The following TMEM128 variants were observed in gnomAD, a reference collection of about 807,000 sequenced individuals.
The protein encoded by TMEM128 is transmembrane protein 128.
Under a neutral mutation model 19.7 loss-of-function variants are expected in TMEM128, and 16 were observed. That is an observed-to-expected ratio of 0.81 (90% confidence interval 0.55 to 1.23). The LOEUF (loss-of-function observed/expected upper bound fraction) is 1.23, where lower values mean the gene tolerates loss of function less well. Ranked by LOEUF, TMEM128 falls within the 50% of genes most tolerant of loss-of-function variation. The probability of loss-of-function intolerance (pLI) is 0.00; values close to 1 mark genes in which losing one functional copy is unlikely to be tolerated. For missense variants in TMEM128, 237 were observed against 200.8 expected, an observed-to-expected ratio of 1.18 and a Z score of -1.09; for synonymous variants, 98 against 75.8, an observed-to-expected ratio of 1.29 and a Z score of -1.52.
chr4:4,246,308 G>T lies in TMEM128; in HGVS notation c.133C>A (p.Leu45Ile), dbSNP rs1006656011. The T allele has an allele frequency of 3.7e-6, 6 of 1,612,390 alleles. No individual in the cohort carries two copies. The highest frequency in any genetic ancestry group is 5.1e-6 in the Non-Finnish European group (6 of 1,179,488). ...CCAGAATGGATATTAAGTCTTGGAA[G>T]AGGTTTCTCCTTTTTCTCAACAGCT... ...STAVEKKEKPLPRLNIHSGFW... is the reference protein window; with the variant it reads ...STAVEKKEKPIPRLNIHSGFW... Residue 45 changes from leucine to isoleucine, a missense_variant, in exon 2 of 5, where the codon CTT becomes ATT. By Grantham distance (5) the Leu-to-Ile change is conservative. Coordinates refer to ENST00000382753, the MANE Select transcript of TMEM128 (RefSeq NM_001297551.2).
chr4:4,246,111 A>C (rs985071405), intron 2 of TMEM128, 91 bp downstream of exon 2: 3 of 1,331,648 alleles, frequency 2.3e-6, no homozygotes, highest in Non-Finnish European at 2.1e-6. Context: ...AGAGAGTAGT[A>C]GGTGCTTACT....
At position 4,247,186 on chromosome 4, in the gene TMEM128, C is replaced by A. The variant is rs147197880; in HGVS notation, c.98-843G>T. ...GACAAGACATTTTTCCTGTCTGGAA[C>A]GCAATCTGAAAGAATGGGTGGATGG... On this transcript the variant is annotated intron_variant, in intron 1 of 4. Coordinates refer to ENST00000382753, the MANE Select transcript of TMEM128 (RefSeq NM_001297551.2). Among the ~76,000 whole-genome samples the A allele has an allele frequency of 2.9e-4, 44 of 152,262 alleles. 1 individual carries two copies. In the East Asian group the frequency reaches 6.4e-3, roughly 22 times the overall value.
intron 1 of TMEM128, chr4:4,247,787 T>C: frequency 1.4e-6 from 2 of 1,470,904 alleles, no homozygotes; most frequent in Non-Finnish European, 1.8e-6. Flanking sequence ...AATCCTGAAG[T>C]GAAACACTGC....
At chr4:4,244,699 G>C (rs1445995045) in intron 2 of TMEM128, among the ~76,000 whole-genome samples, 1 of 152,136 alleles carries the variant, frequency 6.6e-6, no homozygotes, top group Non-Finnish European at 1.5e-5. Flanking sequence ...TGAAAACCTA[G>C]AGACCTTTTC....
chr4:4,248,215 C>A lies in TMEM128; in HGVS notation c.-13G>T, dbSNP rs1292708440. On this transcript the variant is annotated 5_prime_UTR_variant, in exon 1 of 5. Transcript: ENST00000382753. ...GCGAGGAGTCCATCTTGGTACCGCC[C>A]CGAAATGCGACGGAAGTGACGTCAG... 6.7e-7 allele frequency: 1 copy of A among 1,491,476 alleles called. No homozygotes were observed. The allele number at this position is 1,491,476 out of a possible 1,614,324, so 92.4% of individuals were successfully genotyped here. A position where few individuals can be genotyped will look rare whatever the true frequency, so the allele number is the denominator to read the frequency against.
chr4:4,246,752 A>AT (rs1560221388), intron 1 of TMEM128, among the ~76,000 whole-genome samples: 259 of 135,448 alleles, frequency 1.9e-3, no homozygotes, highest in African/African-American at 6.3e-3. Context: ...TTTATAACTA[A>AT]ATTTTTTTTT....
chr4:4,239,547 T>C (rs369110409), intron 3 of TMEM128, among the ~76,000 whole-genome samples: 1 of 152,198 alleles, frequency 6.6e-6, no homozygotes, highest in African/African-American at 2.4e-5. Context: ...TATATACATA[T>C]ATACATACAT....
intron 2 of TMEM128, among the ~76,000 whole-genome samples, chr4:4,241,345 C>T (rs1357124895): frequency 6.6e-6 from 1 of 152,200 alleles, no homozygotes; most frequent in Non-Finnish European, 1.5e-5. Flanking sequence ...AATGCCAATG[C>T]CTTTTTACTC....
intron 2 of TMEM128, among the ~76,000 whole-genome samples, chr4:4,243,813 C>T (rs530823663): frequency 1.3e-5 from 2 of 152,196 alleles, no homozygotes; most frequent in Admixed American, 6.5e-5. Flanking sequence ...CACTTCACTG[C>T]AGTTGCCCCC....
rs1311993698 is a variant in TMEM128 at position 4,246,285 on chromosome 4, A to C, written c.156T>G (p.Ser52=). ...EKPLPRLNIH[S]GFWILASIVV... ...CAATGGATGCCAAAATCCAGAATCC[A>C]GAATGGATATTAAGTCTTGGAAGAG... Residue 52 remains serine (S), a synonymous_variant, in exon 2 of 5, where the codon TCT becomes TCG. Coordinates refer to ENST00000382753, the MANE Select transcript of TMEM128 (RefSeq NM_001297551.2). The C allele has an allele frequency of 6.2e-7, 1 of 1,613,322 alleles. No individual in the cohort carries two copies. The highest frequency in any genetic ancestry group is 1.7e-5 in the Admixed American group (1 of 59,868).
At chr4:4,239,073 A>T (rs1316339948) in intron 3 of TMEM128, among the ~76,000 whole-genome samples, 2 of 152,212 alleles carry the variant, frequency 1.3e-5, no homozygotes, top group African/African-American at 4.8e-5. Flanking sequence ...ATAAAGAAAG[A>T]AAAAACTAGA....
At chr4:4,247,513 T>C (rs1448444133) in intron 1 of TMEM128, 1 of 1,588,904 alleles carries the variant, frequency 6.3e-7, no homozygotes, top group Non-Finnish European at 8.6e-7. Context: ...ACCTCAGATC[T>C]AATCCCCAGA....
intron 2 of TMEM128, among the ~76,000 whole-genome samples, chr4:4,242,743 T>A (rs1718014864): frequency 6.6e-6 from 1 of 152,094 alleles, no homozygotes; most frequent in Non-Finnish European, 1.5e-5. Flanking sequence ...GGTCTTGAAC[T>A]CCTGACCTCA....
intron 1 of TMEM128, chr4:4,247,797 C>G: frequency 6.9e-7 from 1 of 1,454,396 alleles, no homozygotes; most frequent in Non-Finnish European, 9.1e-7. Flanking sequence ...TGAAACACTG[C>G]GCACATCATT....
At chr4:4,238,580 T>C (rs1376750170) in intron 3 of TMEM128, among the ~76,000 whole-genome samples, 1 of 152,162 alleles carries the variant, frequency 6.6e-6, no homozygotes, top group East Asian at 1.9e-4. Flanking sequence ...TTTCTGGACA[T>C]GATCTTACCC....
chr4:4,236,588 G>C (rs2920244), intron 4 of TMEM128, among the ~76,000 whole-genome samples: 1 of 151,548 alleles, frequency 6.6e-6, no homozygotes, highest in Admixed American at 6.6e-5. Flanking sequence ...TGGCACCACA[G>C]GTGTACAGGA....
At chr4:4,245,273 A>C (rs549419624) in intron 2 of TMEM128, among the ~76,000 whole-genome samples, 1 of 151,984 alleles carries the variant, frequency 6.6e-6, no homozygotes. Context: ...CTCCATGTCA[A>C]CTCTGGAGAC....
chr4:4,247,932 G>T lies in TMEM128; in HGVS notation c.97+174C>A, dbSNP rs1286334434. 83 of 1,430,356 alleles carry T rather than the reference G, an allele frequency of 5.8e-5. No individual in the cohort carries two copies. The Middle Eastern group carries it at 7.7e-4, about 13-fold the overall frequency. 88.6% of individuals were successfully genotyped at this position (1,430,356 alleles called of 1,614,324 possible). On this transcript the variant is annotated intron_variant, in intron 1 of 4. Coordinates refer to ENST00000382753, the MANE Select transcript of TMEM128 (RefSeq NM_001297551.2). ...GCTCTCCAGAGAATTCTGAAGCGCA[G>T]CTGAAATGACGATGCACAGCACTCC...
intron 2 of TMEM128, among the ~76,000 whole-genome samples, chr4:4,243,286 G>A (rs572703599): frequency 1.6e-3 from 239 of 152,204 alleles, no homozygotes; most frequent in African/African-American, 5.5e-3. Context: ...GTTTCACCGC[G>A]TTAGCCAGGA....
Sources: allele counts gnomAD v4.1 joint callset (sites outside exome capture counted in the v4.1 genomes callset), GRCh38; gene constraint gnomAD v4.1.1; transcripts MANE v1.5; gene names NCBI Gene and HGNC (gene_info 2026-07-23, HGNC 2026-07-21).